Variants in CXADR observed in about 807,000 individuals in gnomAD.
CXADR encodes CXADR cell adhesion molecule, also known as coxsackievirus and adenovirus receptor.
In CXADR, 20 loss-of-function variants were observed where a neutral mutation model predicts 40.3. The ratio of observed to expected loss-of-function variants is 0.50; its 90% confidence interval spans 0.35 to 0.72. The LOEUF is 0.72. Among genes scored for constraint, CXADR ranks in the 30% least tolerant of loss-of-function variants. CXADR has a pLI of 0.01. For missense variants in CXADR, 332 were observed against 449.1 expected (o/e 0.74, Z 2.36); for synonymous variants, 150 against 161.3 (o/e 0.93, Z 0.53).
intron 7 of CXADR, among the ~76,000 whole-genome samples, chr21:17,575,545 C>G (rs914205656): frequency 6.7e-5 from 10 of 149,040 alleles, no homozygotes; most frequent in Non-Finnish European, 1.5e-4. Flanking sequence ...GGCTGGAGTG[C>G]AGTGGCACGA....
intron 1 of CXADR, among the ~76,000 whole-genome samples, chr21:17,513,454 C>A (rs117983824): frequency 6.6e-6 from 1 of 152,138 alleles, no homozygotes; most frequent in Non-Finnish European, 1.5e-5. Flanking sequence ...GTGTCGGGTG[C>A]GCCTCGCAGC....
chr21:17,565,857 C>T lies in CXADR; in HGVS notation c.*165C>T. On this transcript the variant is annotated 3_prime_UTR_variant, in exon 7 of 7. Transcript: ENST00000284878. ...TTTAAAAATTTTTGTTTGGTTATATCGAAATAGTTACAGGCACTAAAGTTA... is the reference window on the plus strand; with the variant it reads ...TTTAAAAATTTTTGTTTGGTTATATTGAAATAGTTACAGGCACTAAAGTTA... 7.6e-7 allele frequency: 1 copy of T among 1,313,922 alleles called. No individual in the cohort carries two copies. The highest frequency in any genetic ancestry group is 9.7e-7 in the Non-Finnish European group (1 of 1,029,800). 81.4% of individuals were successfully genotyped at this position (1,313,922 alleles called of 1,614,324 possible).
At chr21:17,588,525 GCTCT>G (rs373030939) in intron 7 of CXADR, among the ~76,000 whole-genome samples, 4 of 152,004 alleles carry the variant, frequency 2.6e-5, no homozygotes, top group African/African-American at 7.3e-5. Context: ...TCATGATTTG[GCTCT>G]CTGTTTGTCT....
At chr21:17,587,386 C>A (rs1486796318) in intron 7 of CXADR, among the ~76,000 whole-genome samples, 12 of 152,280 alleles carry the variant, frequency 7.9e-5, no homozygotes, top group Non-Finnish European at 1.5e-4. Context: ...TTCTCCACAT[C>A]CTCTCCAGCA....
At chr21:17,575,353 T>C (rs1041493097) in intron 7 of CXADR, among the ~76,000 whole-genome samples, 1 of 151,532 alleles carries the variant, frequency 6.6e-6, no homozygotes, top group African/African-American at 2.4e-5. Context: ...GGCTAATTTT[T>C]TTGATTTTTG....
At chr21:17,521,548 C>T (rs2060530613) in intron 1 of CXADR, among the ~76,000 whole-genome samples, 1 of 151,992 alleles carries the variant, frequency 6.6e-6, no homozygotes, top group South Asian at 2.1e-4. Context: ...GTCTCGAACT[C>T]CTGACCTCAG....
intron 1 of CXADR, among the ~76,000 whole-genome samples, chr21:17,533,008 C>A (rs1288693204): frequency 6.6e-6 from 1 of 152,106 alleles, no homozygotes; most frequent in Non-Finnish European, 1.5e-5. Context: ...AGAACTCCTG[C>A]TAATGCCTTT....
chr21:17,630,179 T>C, the CXADR span, among the ~76,000 whole-genome samples: 1 of 152,206 alleles, frequency 6.6e-6, no homozygotes, highest in African/African-American at 2.4e-5. Flanking sequence ...TCAAGAGACC[T>C]AAGAACAGGA....
the CXADR span, among the ~76,000 whole-genome samples, chr21:17,610,645 C>CTCAT: frequency 1.3e-5 from 2 of 152,168 alleles, no homozygotes; most frequent in Non-Finnish European, 2.9e-5. Context: ...ACTCAGTGAG[C>CTCAT]TCATTCATCT....
intron 3 of CXADR, among the ~76,000 whole-genome samples, chr21:17,552,378 G>A (rs901721441): frequency 2.6e-5 from 4 of 152,126 alleles, no homozygotes; most frequent in African/African-American, 9.7e-5. Flanking sequence ...AGGCCATTAG[G>A]CATCACATAG....
chr21:17,537,946 G>A (rs1052276758), intron 1 of CXADR, among the ~76,000 whole-genome samples: 1 of 152,238 alleles, frequency 6.6e-6, no homozygotes, highest in East Asian at 1.9e-4. Context: ...GGAGGAAGGG[G>A]CTGAACTGAG....
chr21:17,596,795 A>G (rs1433103740), downstream of CXADR, among the ~76,000 whole-genome samples: 1 of 152,106 alleles, frequency 6.6e-6, no homozygotes, highest in Non-Finnish European at 1.5e-5. Flanking sequence ...ATGTTCATTG[A>G]TACTGAATTG....
At chr21:17,514,637 C>CT (rs770582854) in intron 1 of CXADR, among the ~76,000 whole-genome samples, 100 of 141,268 alleles carry the variant, frequency 7.1e-4, no homozygotes, top group Non-Finnish European at 8.4e-4. Flanking sequence ...TGTGGAGGAA[C>CT]TTTTTTTTTT....
intron 1 of CXADR, among the ~76,000 whole-genome samples, chr21:17,519,317 A>C (rs1164545633): frequency 6.6e-6 from 1 of 152,194 alleles, no homozygotes; most frequent in African/African-American, 2.4e-5. Context: ...TGCATGACTG[A>C]AAGTTTTCAA....
chr21:17,513,280 G>A (rs1324680909), intron 1 of CXADR, 108 bp downstream of exon 1: 1 of 1,103,400 alleles, frequency 9.1e-7, no homozygotes, highest in Non-Finnish European at 1.2e-6. Context: ...GCGCGATTTG[G>A]GGGCGCTGCT....
intron 2 of CXADR, among the ~76,000 whole-genome samples, chr21:17,547,841 G>T (rs566651476): frequency 6.6e-6 from 1 of 151,952 alleles, no homozygotes; most frequent in Admixed American, 6.5e-5. Flanking sequence ...AAAATATTTA[G>T]TCTTAAATTT....
the CXADR span, among the ~76,000 whole-genome samples, chr21:17,599,963 TAG>T: frequency 6.6e-6 from 1 of 152,182 alleles, no homozygotes; most frequent in African/African-American, 2.4e-5. Flanking sequence ...TTGAAGAATA[TAG>T]AGGTTTTGCT....
At chr21:17,526,000 T>C (rs368413624) in intron 1 of CXADR, among the ~76,000 whole-genome samples, 28 of 152,358 alleles carry the variant, frequency 1.8e-4, no homozygotes, top group African/African-American at 6.5e-4. Flanking sequence ...ATACAAAATA[T>C]GCTTTTTTCC....
At chr21:17,550,360 A>AAC (rs1311483570) in intron 2 of CXADR, among the ~76,000 whole-genome samples, 2 of 151,544 alleles carry the variant, frequency 1.3e-5, no homozygotes, top group Non-Finnish European at 2.9e-5. Context: ...TCAAAAAAAA[A>AAC]AAAAAAAGAT....
Sources: allele counts gnomAD v4.1 joint callset (sites outside exome capture counted in the v4.1 genomes callset), GRCh38; gene constraint gnomAD v4.1.1; transcripts MANE v1.5; gene names NCBI Gene and HGNC (gene_info 2026-07-23, HGNC 2026-07-21).